Variants in RGS5 observed in about 807,000 individuals in gnomAD.
RGS5 encodes regulator of G-protein signalling 5.
In RGS5, 20 loss-of-function variants were observed where a neutral mutation model predicts 18.9. The ratio of observed to expected loss-of-function variants is 1.06; its 90% CI spans 0.74 to 1.54. The LOEUF (loss-of-function observed/expected upper bound fraction) is 1.54, where lower values mean the gene tolerates loss of function less well. Among genes scored for constraint, RGS5 ranks in the 40% most tolerant of loss-of-function variants. The pLI, the probability that RGS5 is intolerant of heterozygous loss-of-function variation, is 0.00. For missense variants in RGS5, 201 were observed against 211.8 expected (o/e 0.95, Z 0.32); for synonymous variants, 57 against 76.2 (o/e 0.75, Z 1.31).
intron 2 of RGS5, among the ~76,000 whole-genome samples, chr1:163,292,029 T>A (rs1308508851): frequency 6.6e-6 from 1 of 152,092 alleles, no homozygotes. Flanking sequence ...AACTTTTAAG[T>A]TCAGGGGTAC....
chr1:163,161,745 T>C (rs1571221409), intron 3 of RGS5, 170 bp downstream of exon 3: 2 of 547,630 alleles, frequency 3.7e-6, no homozygotes, highest in East Asian at 6.3e-5. Flanking sequence ...CCTCCTTTTC[T>C]TGTGAACTGG....
chr1:163,173,135 C>T (rs1315208298), intron 1 of RGS5, among the ~76,000 whole-genome samples: 1 of 152,120 alleles, frequency 6.6e-6, no homozygotes, highest in African/African-American at 2.4e-5. Flanking sequence ...TGCTTGGTCT[C>T]GGGCTCTATT....
chr1:163,221,067 T>C (rs78620999), upstream of RGS5, among the ~76,000 whole-genome samples: 1,795 of 152,288 alleles, frequency 0.012, 33 homozygotes, highest in African/African-American at 0.04. Flanking sequence ...TAGGTTCTTT[T>C]TGGTGAATTA....
chr1:163,226,634 G>A (rs1647342174), intron 2 of RGS5, among the ~76,000 whole-genome samples: 1 of 152,296 alleles, frequency 6.6e-6, no homozygotes, highest in Non-Finnish European at 1.5e-5. Flanking sequence ...GAATATGCCA[G>A]AACTTGACTT....
chr1:163,199,014 G>A (rs1019404963), intron 1 of RGS5, among the ~76,000 whole-genome samples: 1 of 152,038 alleles, frequency 6.6e-6, no homozygotes, highest in Non-Finnish European at 1.5e-5. Flanking sequence ...TTTTCCCAAA[G>A]AGCAATATTT....
upstream of RGS5, chr1:163,217,669 G>T: frequency 6.7e-7 from 1 of 1,486,374 alleles, no homozygotes; most frequent in South Asian, 1.4e-5. Flanking sequence ...AATTTGTTTT[G>T]GGAAACAATG....
chr1:163,195,932 C>T (rs1340311208), intron 1 of RGS5, among the ~76,000 whole-genome samples: 2 of 152,266 alleles, frequency 1.3e-5, no homozygotes, highest in Admixed American at 1.3e-4. Flanking sequence ...TCCCAAAGTT[C>T]ACACAGTAAG....
intron 1 of RGS5, among the ~76,000 whole-genome samples, chr1:163,201,148 A>C (rs1307553651): frequency 6.6e-6 from 1 of 152,208 alleles, no homozygotes; most frequent in African/African-American, 2.4e-5. Flanking sequence ...TATTCACTAC[A>C]TAAGAGTACA....
intron 1 of RGS5, chr1:163,319,272 T>C (rs1347491176): frequency 6.6e-6 from 1 of 152,208 alleles, no homozygotes; most frequent in Non-Finnish European, 1.5e-5. Context: ...AGGTCTGTCA[T>C]CCAGAATTTA....
rs149614225 is a variant in RGS5, at chr1:163,173,790, C to T, written c.45-5422G>A. Among the ~76,000 whole-genome samples the T allele has an allele frequency of 6.4e-3, 969 of 152,180 alleles. 4 individuals carry two copies. The highest frequency in any genetic ancestry group is 0.014 in the Admixed American group (208 of 15,264). ...TAGGTGGAGTATAAAAACAAAAGAA[C>T]GTAGGCCTGGCACAGTGGCTCATGC... On this transcript the variant is annotated intron_variant, in intron 1 of 4. Coordinates refer to ENST00000313961, the MANE Select transcript of RGS5 (RefSeq NM_003617.4).
chr1:163,143,876 A>C lies in RGS5; in HGVS notation c.*3466T>G, dbSNP rs1216720863. 6.6e-6 allele frequency: 1 copy of C among 152,128 alleles called. No homozygotes were observed. Among genetic ancestry groups the C allele is most frequent in the African/African-American group, 2.4e-5 (1 of 41,438 alleles). The allele number at this position is 152,128 out of a possible 1,614,324, so 9.4% of individuals were successfully genotyped here. ...TTTATTTGTTAATGGCCCAGTTTTT[A>C]TTGAAACTTTTGCATGTCTATTACT... On this transcript the variant is annotated 3_prime_UTR_variant, in exon 5 of 5. Coordinates refer to ENST00000313961, the MANE Select transcript of RGS5 (RefSeq NM_003617.4).
intron 2 of RGS5, among the ~76,000 whole-genome samples, chr1:163,301,010 G>T (rs1226789806): frequency 2.6e-5 from 4 of 152,178 alleles, no homozygotes; most frequent in African/African-American, 9.7e-5. Context: ...TTCTTCAGCT[G>T]CAAATCTATT....
intron 2 of RGS5, among the ~76,000 whole-genome samples, chr1:163,249,769 C>A (rs755991261): frequency 2.0e-5 from 3 of 152,018 alleles, no homozygotes; most frequent in Non-Finnish European, 4.4e-5. Context: ...CCAACCTGAG[C>A]AACAGAGCAA....
chr1:163,177,304 T>C (rs1658599942), intron 1 of RGS5, among the ~76,000 whole-genome samples: 1 of 152,240 alleles, frequency 6.6e-6, no homozygotes, highest in African/African-American at 2.4e-5. Flanking sequence ...AACTAAAAGA[T>C]ATTAGAATCC....
At chr1:163,147,549 A>C in intron 4 of RGS5, 46 bp from the exon 5 acceptor site, 5 of 1,458,960 alleles carry the variant, frequency 3.4e-6, no homozygotes, top group Non-Finnish European at 4.5e-6. Context: ...AAGTTATAGA[A>C]TTTGATGAGG....
chr1:163,266,653 C>G (rs1318746762), intron 2 of RGS5: 1 of 152,162 alleles, frequency 6.6e-6, no homozygotes, highest in East Asian at 1.9e-4. Flanking sequence ...ATCTACCACA[C>G]AGCCTCTCTC....
chr1:163,265,410 A>G (rs981342029), intron 2 of RGS5, among the ~76,000 whole-genome samples: 1 of 152,068 alleles, frequency 6.6e-6, no homozygotes, highest in Non-Finnish European at 1.5e-5. Flanking sequence ...TACTTCCTAC[A>G]TCTGCTCTCC....
Position 163,147,329 on chromosome 1 carries a change from C to A in RGS5, c.*13G>T, listed in dbSNP as rs766874817. On this transcript the variant is annotated 3_prime_UTR_variant, in exon 5 of 5. Transcript: ENST00000313961. ...AATAACTCACAGGATGATTTCATAG[C>A]CTGGCTAAATTACTACTTGATTAAC... is the stretch of plus-strand genomic sequence containing the variant. The A allele has an allele frequency of 3.8e-6, 6 of 1,571,768 alleles. No homozygotes were observed. The highest frequency in any genetic ancestry group is 1.2e-5 in the South Asian group (1 of 82,572).
intron 1 of RGS5, among the ~76,000 whole-genome samples, chr1:163,193,148 T>G (rs1001767044): frequency 6.6e-6 from 1 of 152,202 alleles, no homozygotes; most frequent in Non-Finnish European, 1.5e-5. Flanking sequence ...TCTAATATGA[T>G]AGTTCCAATG....
Sources: allele counts gnomAD v4.1 joint callset (sites outside exome capture counted in the v4.1 genomes callset), GRCh38; gene constraint gnomAD v4.1.1; transcripts MANE v1.5; gene names NCBI Gene and HGNC (gene_info 2026-07-23, HGNC 2026-07-21).